The following TAFA1 variants were observed in gnomAD, a reference collection of about 807,000 sequenced individuals.
The protein encoded by TAFA1 is chemokine-like protein TAFA-1.
In TAFA1, 4 loss-of-function variants were observed where a neutral mutation model predicts 18.5. The observed-to-expected ratio is 0.22, with a 90% confidence interval of 0.11 to 0.49. The LOEUF (loss-of-function observed/expected upper bound fraction) is 0.49. TAFA1 is among the 20% of genes least tolerant of loss of function. TAFA1 has a pLI of 0.98. For missense variants in TAFA1, 147 were observed against 169.0 expected (o/e 0.87, Z 0.72); for synonymous variants, 56 against 55.2 (o/e 1.01, Z -0.06).
chr3:68,069,264 C>A lies in TAFA1; in HGVS notation c.118+62520C>A, dbSNP rs149471129. Among the ~76,000 whole-genome samples the A allele has an allele frequency of 6.3e-3, 961 of 152,244 alleles. 11 individuals are homozygous for A. The highest frequency in any genetic ancestry group is 0.022 in the African/African-American group (905 of 41,546). On this transcript the variant is annotated intron_variant, in intron 2 of 4. Transcript: ENST00000478136. ...TTAGAGTTCCATGTGGCTGGGGAGG[C>A]CTTACAATCATGGCAGAAGCCAAGG...
At chr3:68,415,776 A>T (rs2070823446) in intron 2 of TAFA1, among the ~76,000 whole-genome samples, 1 of 152,030 alleles carries the variant, frequency 6.6e-6, no homozygotes, top group African/African-American at 2.4e-5. Flanking sequence ...TGTTATTATT[A>T]TTCCCATTTT....
intron 2 of TAFA1, among the ~76,000 whole-genome samples, chr3:68,289,039 A>T (rs994384644): frequency 2.0e-5 from 3 of 152,240 alleles, no homozygotes; most frequent in African/African-American, 7.2e-5. Flanking sequence ...AGTGAAAACC[A>T]CATATCATAA....
chr3:68,299,126 T>C (rs958536632), intron 2 of TAFA1, among the ~76,000 whole-genome samples: 6 of 152,200 alleles, frequency 3.9e-5, no homozygotes, highest in Admixed American at 1.3e-4. Context: ...AGGAACTTCT[T>C]GGGAAGTGGA....
At chr3:68,082,609 A>T (rs1445918728) in intron 2 of TAFA1, among the ~76,000 whole-genome samples, 1 of 152,222 alleles carries the variant, frequency 6.6e-6, no homozygotes, top group Non-Finnish European at 1.5e-5. Context: ...AAAGAGTTTA[A>T]GTTAGTACCA....
At chr3:67,999,506 A>G (rs1408639742), upstream of TAFA1, among the ~76,000 whole-genome samples, 1 of 152,172 alleles carries the variant, frequency 6.6e-6, no homozygotes, top group African/African-American at 2.4e-5. Context: ...TAGGTCCAAT[A>G]TACTGAAATT....
intron 2 of TAFA1, among the ~76,000 whole-genome samples, chr3:68,091,611 G>T (rs2065030405): frequency 1.3e-5 from 2 of 152,018 alleles, no homozygotes; most frequent in Admixed American, 6.6e-5. Flanking sequence ...CAAGCAAGCA[G>T]ATCAATGAAT....
At chr3:68,246,579 G>T (rs1413886960) in intron 2 of TAFA1, among the ~76,000 whole-genome samples, 1 of 69,684 alleles carries the variant, frequency 1.4e-5, no homozygotes, top group Non-Finnish European at 2.5e-5. Context: ...GACAGAGCGG[G>T]ACTCCGTCTC....
chr3:68,165,150 G>A (rs746991328), intron 2 of TAFA1, among the ~76,000 whole-genome samples: 2 of 152,140 alleles, frequency 1.3e-5, no homozygotes, highest in Non-Finnish European at 2.9e-5. Context: ...GAGAACTATC[G>A]ACTGCTGGAA....
At chr3:68,195,379 G>C (rs988992500) in intron 2 of TAFA1, among the ~76,000 whole-genome samples, 2 of 146,672 alleles carry the variant, frequency 1.4e-5, no homozygotes, top group African/African-American at 5.1e-5. Context: ...TAGATTAACA[G>C]TTTGAGTTTG....
chr3:68,425,931 G>T (rs190943722), intron 3 of TAFA1, among the ~76,000 whole-genome samples: 1 of 151,892 alleles, frequency 6.6e-6, no homozygotes, highest in Admixed American at 6.6e-5. Flanking sequence ...ATTGCACTAG[G>T]CTCTGACAGG....
At chr3:68,148,793 A>T (rs913021071) in intron 2 of TAFA1, among the ~76,000 whole-genome samples, 5 of 152,186 alleles carry the variant, frequency 3.3e-5, no homozygotes, top group African/African-American at 1.2e-4. Context: ...ACATCCCTTT[A>T]TACAGGGATT....
intron 3 of TAFA1, among the ~76,000 whole-genome samples, chr3:68,514,830 G>A (rs1253105594): frequency 2.0e-5 from 3 of 152,286 alleles, no homozygotes; most frequent in South Asian, 4.1e-4. Context: ...TGGCCAAAGA[G>A]ATTGTTCCAG....
In TAFA1 at chr3:68,205,013, A is replaced by G. The variant is rs547171072; in HGVS notation, c.118+198269A>G. ...AAGTAGATTGGCCAATTGCAGATCTACATACAGTGTAAAACTGACCTTGAA... is the reference window on the plus strand; with the variant it reads ...AAGTAGATTGGCCAATTGCAGATCTGCATACAGTGTAAAACTGACCTTGAA... On this transcript the variant is annotated intron_variant, in intron 2 of 4. Transcript: ENST00000478136. Among the ~76,000 whole-genome samples, 184 of 152,016 alleles carry G rather than the reference A, an allele frequency of 1.2e-3. 1 individual carries two copies. The highest frequency in any genetic ancestry group is 4.2e-3 in the African/African-American group (173 of 41,526).
rs1022829832 is a variant in TAFA1, at chr3:68,330,482, T to C, written c.119-86798T>C. ...CCCTTCATATGTTTTTACTTTGTCT[T>C]AAGTCTTATTTTGCTTTGAAATGCA... is the stretch of plus-strand genomic sequence containing the variant. On this transcript the variant is annotated intron_variant, in intron 2 of 4. Transcript: ENST00000478136. Among the ~76,000 whole-genome samples, 6 of 152,238 alleles carry C rather than the reference T, an allele frequency of 3.9e-5. No individual in the cohort carries two copies. In the South Asian group the frequency reaches 8.3e-4, roughly 21 times the overall value.
chr3:68,381,446 T>A (rs111420480), intron 2 of TAFA1, among the ~76,000 whole-genome samples: 4,575 of 152,224 alleles, frequency 0.03, 95 homozygotes, highest in East Asian at 0.093. Flanking sequence ...TTTATTTCAT[T>A]GAGCAGTGGT....
chr3:68,248,204 G>A lies in TAFA1; in HGVS notation c.119-169076G>A, dbSNP rs149309148. On this transcript the variant is annotated intron_variant, in intron 2 of 4. Transcript: ENST00000478136. The stretch of plus-strand genomic sequence containing the variant: ...GATTCAAACACTAAAAATATTCATC[G>A]TGTTAATTTCTCATAACCTTTATGC... 1.6e-4 allele frequency among the ~76,000 whole-genome samples: 24 copies of A among 152,276 alleles called. No individual in the cohort carries two copies. The East Asian group carries it at 3.7e-3, about 23-fold the overall frequency.
intron 2 of TAFA1, among the ~76,000 whole-genome samples, chr3:68,075,664 G>A (rs2064813928): frequency 6.6e-6 from 1 of 151,150 alleles, no homozygotes; most frequent in African/African-American, 2.4e-5. Flanking sequence ...CACTACTGGT[G>A]ATGGACCAAG....
intron 2 of TAFA1, among the ~76,000 whole-genome samples, chr3:68,177,971 C>A (rs928760419): frequency 2.0e-5 from 3 of 152,098 alleles, no homozygotes; most frequent in Non-Finnish European, 2.9e-5. Context: ...GGTGAAACCC[C>A]ATCTCTACTA....
At chr3:68,364,112 C>T (rs552062828) in intron 2 of TAFA1, among the ~76,000 whole-genome samples, 3 of 152,248 alleles carry the variant, frequency 2.0e-5, no homozygotes, top group African/African-American at 7.2e-5. Flanking sequence ...GGAGGAGTGA[C>T]AACAGAAAGT....
Sources: gnomAD v4.1 joint callset for allele counts (sites outside exome capture counted in the v4.1 genomes callset) on GRCh38, gnomAD v4.1.1 for gene constraint, MANE v1.5 for transcripts, NCBI Gene and HGNC (gene_info 2026-07-23, HGNC 2026-07-21) for gene names.